The following PCDH15 variants were observed in gnomAD, a reference collection of about 807,000 sequenced individuals.
PCDH15 encodes the protein protocadherin related 15, also known as protocadherin-15.
In PCDH15, 129 loss-of-function variants were observed where a neutral mutation model predicts 178.5. That is an observed-to-expected ratio of 0.72 (90% CI 0.63 to 0.84). The LOEUF (loss-of-function observed/expected upper bound fraction) is 0.84. Ranked by LOEUF, PCDH15 falls within the 40% of genes least tolerant of loss-of-function variation. PCDH15 has a pLI of 0.00. For missense variants in PCDH15, 2,230 were observed against 2,099.9 expected (o/e 1.06, Z -1.21); for synonymous variants, 800 against 732.0 (o/e 1.09, Z -1.50).
chr10:54,341,439 T>A (rs1942207722), intron 6 of PCDH15, among the ~76,000 whole-genome samples: 1 of 152,210 alleles, frequency 6.6e-6, no homozygotes, highest in Non-Finnish European at 1.5e-5. Context: ...ATTGTAAGTT[T>A]CCTGAGGTGT....
chr10:53,955,268 C>T (rs565627610), intron 23 of PCDH15, among the ~76,000 whole-genome samples: 117 of 152,048 alleles, frequency 7.7e-4, no homozygotes, highest in Non-Finnish European at 1.3e-3. Flanking sequence ...AGATGGTGAC[C>T]CCTGAGTTGT....
At chr10:53,891,899 G>A (rs1157565184) in intron 26 of PCDH15, among the ~76,000 whole-genome samples, 2 of 151,920 alleles carry the variant, frequency 1.3e-5, no homozygotes, top group Non-Finnish European at 1.5e-5. Context: ...AACCAGGGAG[G>A]TGAAGGTTGC....
chr10:54,995,629 T>TC (rs11407389), intron 2 of PCDH15, among the ~76,000 whole-genome samples: 99,144 of 149,022 alleles, frequency 0.67, 33,148 homozygotes, highest in Non-Finnish European at 0.69. Flanking sequence ...AAATTAACCC[T>TC]CCCCCCCACG....
chr10:54,679,257 T>G (rs1457090358), intron 1 of PCDH15, among the ~76,000 whole-genome samples: 1 of 151,654 alleles, frequency 6.6e-6, no homozygotes, highest in Non-Finnish European at 1.5e-5. Context: ...TTGTCCAATA[T>G]TTTGTTGGTC....
At chr10:54,488,451 T>TA (rs1287010663) in intron 3 of PCDH15, among the ~76,000 whole-genome samples, 6,536 of 146,888 alleles carry the variant, frequency 0.044, 219 homozygotes, top group South Asian at 0.11. Flanking sequence ...TAAGGTATGG[T>TA]AAAAAAAAAA....
intron 1 of PCDH15, among the ~76,000 whole-genome samples, chr10:55,181,540 A>G (rs75567009): frequency 0.054 from 8,179 of 152,032 alleles, 369 homozygotes; most frequent in African/African-American, 0.12. Flanking sequence ...TTCATCACTC[A>G]TCTGTTTCAT....
chr10:55,175,360 T>G (rs1249785333), intron 1 of PCDH15, among the ~76,000 whole-genome samples: 1 of 152,060 alleles, frequency 6.6e-6, no homozygotes, highest in Non-Finnish European at 1.5e-5. Flanking sequence ...AAGGATAAGT[T>G]TATTATTCAG....
intron 2 of PCDH15, among the ~76,000 whole-genome samples, chr10:55,066,252 T>G (rs79227373): frequency 0.026 from 3,892 of 151,574 alleles, 91 homozygotes; most frequent in East Asian, 0.076. Context: ...ATTTTAATTT[T>G]TAATAAAAGA....
At chr10:55,093,359 A>G (rs927208928) in intron 2 of PCDH15, among the ~76,000 whole-genome samples, 2 of 151,986 alleles carry the variant, frequency 1.3e-5, no homozygotes, top group Non-Finnish European at 2.9e-5. Flanking sequence ...GATGCCGGAA[A>G]AAGTCTTTAA....
chr10:53,899,943 T>C (rs1198094114), intron 26 of PCDH15, among the ~76,000 whole-genome samples: 1 of 152,180 alleles, frequency 6.6e-6, no homozygotes, highest in Non-Finnish European at 1.5e-5. Flanking sequence ...CTCTGCACTT[T>C]GTTTCTTCTG....
chr10:55,502,042 C>A (rs1840668733), intron 2 of PCDH15, among the ~76,000 whole-genome samples: 1 of 151,400 alleles, frequency 6.6e-6, no homozygotes, highest in African/African-American at 2.4e-5. Flanking sequence ...ATACCTAGAC[C>A]AAAACTTTTG....
At chr10:54,081,888 T>C (rs2094441864) in intron 16 of PCDH15, among the ~76,000 whole-genome samples, 1 of 151,890 alleles carries the variant, frequency 6.6e-6, no homozygotes. Context: ...CGTCAAAAAA[T>C]CACAATTAAG....
chr10:54,761,408 G>A (rs1344615523), intron 1 of PCDH15, among the ~76,000 whole-genome samples: 2 of 152,176 alleles, frequency 1.3e-5, no homozygotes, highest in Non-Finnish European at 2.9e-5. Context: ...GTAGCTGGGC[G>A]CAGTGGTTCA....
intron 21 of PCDH15, among the ~76,000 whole-genome samples, chr10:53,975,077 T>G (rs1281379067): frequency 6.6e-6 from 1 of 152,320 alleles, no homozygotes; most frequent in Admixed American, 6.5e-5. Flanking sequence ...TATAATTGTT[T>G]CCAGCTGCAT....
At chr10:55,336,912 G>A (rs1844411284) in intron 2 of PCDH15, among the ~76,000 whole-genome samples, 1 of 152,066 alleles carries the variant, frequency 6.6e-6, no homozygotes, top group South Asian at 2.1e-4. Context: ...CTAGCAATTG[G>A]TGAGGAAATA....
At chr10:55,175,673 A>G (rs1006618979) in intron 1 of PCDH15, among the ~76,000 whole-genome samples, 3 of 151,272 alleles carry the variant, frequency 2.0e-5, no homozygotes, top group Non-Finnish European at 4.4e-5. Flanking sequence ...CAAAAAAAAA[A>G]AAAAAGAAAA....
At chr10:54,122,847 T>C (rs1564472662) in intron 15 of PCDH15, among the ~76,000 whole-genome samples, 1 of 148,806 alleles carries the variant, frequency 6.7e-6, no homozygotes, top group Non-Finnish European at 1.5e-5. Context: ...GTAAAAGATC[T>C]CTGCAGGAAG....
chr10:54,289,977 G>A (rs2059287347), intron 8 of PCDH15, among the ~76,000 whole-genome samples: 1 of 152,144 alleles, frequency 6.6e-6, no homozygotes, highest in Admixed American at 6.5e-5. Flanking sequence ...CACTATTCAG[G>A]ATATTATCCA....
At chr10:54,397,804 CCAGA>C (rs1217030026) in intron 3 of PCDH15, among the ~76,000 whole-genome samples, 2 of 151,770 alleles carry the variant, frequency 1.3e-5, no homozygotes, top group African/African-American at 4.8e-5. Flanking sequence ...GATACTTCTG[CCAGA>C]CAAATGTTTT....
Sources: gnomAD v4.1 joint callset for allele counts (sites outside exome capture counted in the v4.1 genomes callset) on GRCh38, gnomAD v4.1.1 for gene constraint, MANE v1.5 for transcripts, NCBI Gene and HGNC (gene_info 2026-07-23, HGNC 2026-07-21) for gene names.